The following LINGO1 variants were observed in gnomAD, a reference collection of about 807,000 sequenced individuals.
LINGO1 encodes leucine-rich repeat and immunoglobulin-like domain-containing nogo receptor-interacting protein 1.
LINGO1 carries 11 observed loss-of-function variants against 37.3 expected under a neutral mutation model. That is an observed-to-expected ratio of 0.29 (90% CI 0.19 to 0.49). The LOEUF is 0.49. LINGO1 is among the 20% of genes least tolerant of loss of function. The pLI is 0.99. For synonymous variants in LINGO1, 387 were observed against 403.0 expected (o/e 0.96, Z 0.48); for missense variants, 585 against 878.2 (o/e 0.67, Z 4.22).
rs1035113120 is a variant in LINGO1, at chr15:77,739,149, C to A, written c.-256-4096G>T. ...GCGGCCGGCAGCTGAACGCAACCGG[C>A]GGGGGGCCAGGATGCCTGCCAACAG... is the stretch of plus-strand genomic sequence containing the variant. On this transcript the variant is annotated intron_variant, in intron 1 of 3. Transcript: ENST00000561686. Among the ~76,000 whole-genome samples the A allele has an allele frequency of 4.6e-5, 7 of 152,250 alleles. No homozygotes were observed. The South Asian group carries it at 1.4e-3, about 32-fold the overall frequency.
Position 77,614,894 on chromosome 15 carries a change from C to T in LINGO1, c.1013G>A (p.Arg338His), listed in dbSNP as rs776098870. 4.0e-5 allele frequency: 64 copies of T among 1,613,832 alleles called. No individual in the cohort carries two copies. Among genetic ancestry groups the T allele is most frequent in the South Asian group, 5.5e-5 (5 of 91,082 alleles). The change falls in exon 2 of 2, where the codon CGC becomes CAC. Residue 338 changes from arginine (R) to histidine (H), a missense_variant. Around this residue, in one of 4 missense-constraint regions of LINGO1, gnomAD observed 484 missense variants for 735.0 expected, o/e 0.66. Coordinates refer to ENST00000355300, the MANE Select transcript of LINGO1 (RefSeq NM_032808.7). ...CTGGTTGCCAGAGACATTGAGCACG[C>T]GCAGGTAGTTGAGGCCGCGGAAGGC... is the stretch of plus-strand genomic sequence containing the variant. ...PYAFRGLNYL[R>H]VLNVSGNQLT...
chr15:77,617,041 A>G (rs751777795), intron 1 of LINGO1, among the ~76,000 whole-genome samples: 16 of 152,116 alleles, frequency 1.1e-4, no homozygotes, highest in Non-Finnish European at 1.3e-4. Flanking sequence ...ACCCTGGAGG[A>G]GTGTGCCCCA....
intron 1 of LINGO1, among the ~76,000 whole-genome samples, chr15:77,784,014 C>T (rs749632203): frequency 1.3e-5 from 2 of 152,256 alleles, no homozygotes; most frequent in African/African-American, 2.4e-5. Context: ...GAGGACGGTG[C>T]TGCGCCCACC....
chr15:77,650,778 G>C (rs1159254736), intron 3 of LINGO1, among the ~76,000 whole-genome samples: 1 of 152,124 alleles, frequency 6.6e-6, no homozygotes, highest in African/African-American at 2.4e-5. Flanking sequence ...CCTGCAGGGT[G>C]GTCACAGAGG....
At chr15:77,780,595 T>C (rs973838419) in intron 1 of LINGO1, among the ~76,000 whole-genome samples, 2 of 151,974 alleles carry the variant, frequency 1.3e-5, no homozygotes, top group Middle Eastern at 3.2e-3. Context: ...AGTGCAGGGG[T>C]GGCATTATGG....
chr15:77,775,148 C>T (rs1165878834), intron 1 of LINGO1, among the ~76,000 whole-genome samples: 1 of 152,166 alleles, frequency 6.6e-6, no homozygotes, highest in South Asian at 2.1e-4. Context: ...GCCTCCAACC[C>T]GCCCCTTTCT....
At chr15:77,677,065 TGAGACTG>T (rs1465947215) in intron 3 of LINGO1, 1 of 152,110 alleles carries the variant, frequency 6.6e-6, no homozygotes, top group East Asian at 1.9e-4. Flanking sequence ...TGAGGCAGGG[TGAGACTG>T]CCTCACTCTC....
At chr15:77,654,362 T>C (rs1247179829) in intron 3 of LINGO1, among the ~76,000 whole-genome samples, 1 of 152,136 alleles carries the variant, frequency 6.6e-6, no homozygotes, top group Non-Finnish European at 1.5e-5. Context: ...GTCCAGAAAT[T>C]TGCTGGGGGG....
chr15:77,624,146 ATG>A (rs534830015), intron 1 of LINGO1, among the ~76,000 whole-genome samples: 1 of 84,758 alleles, frequency 1.2e-5, no homozygotes, highest in Non-Finnish European at 2.3e-5. Context: ...TGTGTGTGTG[ATG>A]TGTGTGAGTG....
chr15:77,688,341 A>G (rs2075546914), intron 2 of LINGO1, among the ~76,000 whole-genome samples: 1 of 152,238 alleles, frequency 6.6e-6, no homozygotes, highest in South Asian at 2.1e-4. Context: ...AGAAAAATCT[A>G]ATCACTGCAT....
At chr15:77,713,734 G>A (rs1313622108) in intron 2 of LINGO1, among the ~76,000 whole-genome samples, 1 of 152,164 alleles carries the variant, frequency 6.6e-6, no homozygotes, top group Non-Finnish European at 1.5e-5. Context: ...AGTTATGCGA[G>A]GCTGGGTAAA....
intron 1 of LINGO1, among the ~76,000 whole-genome samples, chr15:77,766,465 A>T (rs2076531640): frequency 6.6e-6 from 1 of 152,056 alleles, no homozygotes. Flanking sequence ...TTTTAAAGAG[A>T]ATTGATATGA....
intron 1 of LINGO1, among the ~76,000 whole-genome samples, chr15:77,691,471 G>A (rs1358251524): frequency 1.3e-5 from 2 of 151,952 alleles, no homozygotes; most frequent in African/African-American, 4.8e-5. Context: ...TGATACCCAT[G>A]CTGCCATCCC....
At chr15:77,760,557 C>T (rs969980369) in intron 1 of LINGO1, among the ~76,000 whole-genome samples, 7 of 152,194 alleles carry the variant, frequency 4.6e-5, no homozygotes, top group African/African-American at 7.2e-5. Context: ...GGGAGCAATC[C>T]GCTGGGGCTG....
At chr15:77,772,734 T>C (rs1281184067) in intron 1 of LINGO1, among the ~76,000 whole-genome samples, 2 of 152,096 alleles carry the variant, frequency 1.3e-5, no homozygotes, top group African/African-American at 4.8e-5. Context: ...GTGGGTAAGT[T>C]TGAAAATCCC....
chr15:77,671,341 AGGGGGT>A (rs2075245172), intron 3 of LINGO1, among the ~76,000 whole-genome samples: 1 of 151,712 alleles, frequency 6.6e-6, no homozygotes, highest in Non-Finnish European at 1.5e-5. Flanking sequence ...TAGGGAGGAG[AGGGGGT>A]GAGAAGGGAG....
chr15:77,645,316 C>A (rs1431394840), intron 3 of LINGO1, among the ~76,000 whole-genome samples: 4 of 152,316 alleles, frequency 2.6e-5, no homozygotes, highest in African/African-American at 7.2e-5. Flanking sequence ...ACAGCAGGCC[C>A]CAGGGCCCAC....
At chr15:77,664,176 C>A (rs1338459654) in intron 3 of LINGO1, among the ~76,000 whole-genome samples, 2 of 112,390 alleles carry the variant, frequency 1.8e-5, no homozygotes, top group Non-Finnish European at 3.8e-5. Context: ...TGTGTGCGCG[C>A]GCGCATGCGT....
At chr15:77,776,526 A>AAAGCAGGAAGGCAGGAAGGC (rs1567577779) in intron 1 of LINGO1, among the ~76,000 whole-genome samples, 3 of 35,754 alleles carry the variant, frequency 8.4e-5, no homozygotes, top group Non-Finnish European at 6.1e-5. Context: ...GGAAGGGAGG[A>AAAGCAGGAAGGCAGGAAGGC]AGGGAGGGAG....
Sources: allele counts gnomAD v4.1 joint callset (sites outside exome capture counted in the v4.1 genomes callset), GRCh38; gene constraint gnomAD v4.1.1; regional missense constraint gnomAD v4.1.1; transcripts MANE v1.5; gene names NCBI Gene and HGNC (gene_info 2026-07-23, HGNC 2026-07-21).